Variants in DCDC1 observed in about 807,000 individuals in gnomAD.
DCDC1 encodes doublecortin domain-containing protein 1.
Under a neutral mutation model 178.3 loss-of-function variants are expected in DCDC1, and 200 were observed. That is an observed-to-expected ratio of 1.12 (90% confidence interval 1.00 to 1.26). The LOEUF is 1.26. Among genes scored for constraint, DCDC1 ranks in the 50% most tolerant of loss-of-function variants. The pLI, the probability that DCDC1 is intolerant of heterozygous loss-of-function variation, is 0.00. For synonymous variants in DCDC1, 690 were observed against 604.8 expected (o/e 1.14, Z -2.07); for missense variants, 1,983 against 1,749.2 (o/e 1.13, Z -2.38).
At chr11:31,200,220 TTTAAA>T (rs767651538) in intron 9 of DCDC1, among the ~76,000 whole-genome samples, 1 of 152,090 alleles carries the variant, frequency 6.6e-6, no homozygotes, top group Non-Finnish European at 1.5e-5. Context: ...ACAAAAAAAG[TTTAAA>T]TTAAAACTGT....
chr11:30,957,258 T>C (rs1948824668), intron 20 of DCDC1, among the ~76,000 whole-genome samples: 1 of 152,166 alleles, frequency 6.6e-6, no homozygotes, highest in African/African-American at 2.4e-5. Flanking sequence ...AAGAACCCTC[T>C]CTACACCCAC....
In DCDC1 at chr11:31,106,797, C is replaced by T. The variant is rs1423548339; in HGVS notation, c.1751G>A (p.Arg584Lys). Residue 584 changes from arginine to lysine, a missense_variant and splice_region_variant, in exon 13 of 39, where the codon AGA becomes AAA. Coordinates refer to ENST00000684477, the MANE Select transcript of DCDC1 (RefSeq NM_001387274.1). Reference protein sequence around the residue: ...KIWVSYGRAYRSPLNLALGLT... With the variant: ...KIWVSYGRAYKSPLNLALGLT... ...CAGAAAACAAACCCCTTGCTCCTACCTGTATGCTCTACCATAAGAGACCCA... is the reference window on the plus strand; with the variant it reads ...CAGAAAACAAACCCCTTGCTCCTACTTGTATGCTCTACCATAAGAGACCCA... The T allele has an allele frequency of 2.6e-6, 2 of 766,068 alleles. No individual in the cohort carries two copies. Among genetic ancestry groups the T allele is most frequent in the South Asian group, 1.3e-5 (1 of 74,598 alleles). 47.5% of individuals were successfully genotyped at this position (766,068 alleles called of 1,614,324 possible).
intron 5 of DCDC1, 160 bp from the exon 6 acceptor site, chr11:31,305,937 G>T: frequency 1.1e-6 from 1 of 876,468 alleles, no homozygotes; most frequent in South Asian, 2.1e-5. Context: ...TAAAAGGTAA[G>T]TCACAGCATG....
At chr11:31,208,170 C>T (rs887184916) in intron 9 of DCDC1, among the ~76,000 whole-genome samples, 12 of 152,124 alleles carry the variant, frequency 7.9e-5, no homozygotes, top group African/African-American at 2.9e-4. Context: ...GTATCTCTTA[C>T]CCAGATCTCA....
intron 9 of DCDC1, among the ~76,000 whole-genome samples, chr11:31,147,893 G>A (rs1438460904): frequency 6.6e-6 from 1 of 152,192 alleles, no homozygotes; most frequent in Non-Finnish European, 1.5e-5. Context: ...TAATGGTACA[G>A]ATTTTCTCTA....
chr11:31,329,225 G>C (rs549914119), intron 2 of DCDC1, among the ~76,000 whole-genome samples: 1 of 152,126 alleles, frequency 6.6e-6, no homozygotes, highest in Non-Finnish European at 1.5e-5. Context: ...GAAGCCAAAA[G>C]AGATGAAAGC....
chr11:31,153,549 G>A (rs1041497206), intron 9 of DCDC1, among the ~76,000 whole-genome samples: 15 of 152,052 alleles, frequency 9.9e-5, no homozygotes, highest in Non-Finnish European at 2.2e-4. Flanking sequence ...TTGGGAGGCC[G>A]AGGCGGGCGG....
At chr11:31,076,124 G>A (rs1956850448) in intron 18 of DCDC1, among the ~76,000 whole-genome samples, 1 of 152,136 alleles carries the variant, frequency 6.6e-6, no homozygotes, top group Non-Finnish European at 1.5e-5. Flanking sequence ...CTCCCAAAGT[G>A]CTGGGAGTAC....
At chr11:31,200,124 TATA>T (rs1267230653) in intron 9 of DCDC1, among the ~76,000 whole-genome samples, 1 of 152,096 alleles carries the variant, frequency 6.6e-6, no homozygotes, top group Non-Finnish European at 1.5e-5. Context: ...TCTAATAATT[TATA>T]ATATGTTTGG....
At chr11:30,912,942 A>C (rs1565065038) in intron 27 of DCDC1, among the ~76,000 whole-genome samples, 1 of 152,220 alleles carries the variant, frequency 6.6e-6, no homozygotes, top group East Asian at 1.9e-4. Flanking sequence ...ACGGTTCTCT[A>C]GGTTTCACCA....
At chr11:31,277,828 C>T (rs1035646910) in intron 7 of DCDC1, among the ~76,000 whole-genome samples, 8 of 151,938 alleles carry the variant, frequency 5.3e-5, no homozygotes, top group Non-Finnish European at 1.2e-4. Context: ...TTGTTAAGTA[C>T]GTGTTTTCTG....
intron 9 of DCDC1, among the ~76,000 whole-genome samples, chr11:31,195,478 G>A (rs1447494334): frequency 6.6e-6 from 1 of 152,024 alleles, no homozygotes; most frequent in Non-Finnish European, 1.5e-5. Context: ...GAGCTCAGTG[G>A]AATTTTTTGG....
At chr11:31,108,725 G>T (rs957274049) in intron 12 of DCDC1, among the ~76,000 whole-genome samples, 1 of 152,084 alleles carries the variant, frequency 6.6e-6, no homozygotes, top group African/African-American at 2.4e-5. Flanking sequence ...TGCATTTTAG[G>T]TGTTCAAAGA....
At chr11:30,913,528 G>C (rs1590339689) in intron 27 of DCDC1, among the ~76,000 whole-genome samples, 2 of 152,126 alleles carry the variant, frequency 1.3e-5, no homozygotes, top group East Asian at 3.9e-4. Flanking sequence ...TCTTCTCTCT[G>C]GACTCTGACG....
chr11:31,041,093 C>T (rs555701237), intron 20 of DCDC1, among the ~76,000 whole-genome samples: 1 of 152,282 alleles, frequency 6.6e-6, no homozygotes, highest in East Asian at 1.9e-4. Context: ...ATTCATTCAA[C>T]AATACTTCTT....
At chr11:31,055,025 G>T (rs920770190) in intron 20 of DCDC1, among the ~76,000 whole-genome samples, 9 of 152,104 alleles carry the variant, frequency 5.9e-5, no homozygotes, top group Middle Eastern at 3.2e-3. Context: ...CACGGCAAAA[G>T]GAACAGTCAG....
At chr11:31,077,424 A>C (rs1412076867) in intron 18 of DCDC1, among the ~76,000 whole-genome samples, 1 of 152,202 alleles carries the variant, frequency 6.6e-6, no homozygotes, top group Non-Finnish European at 1.5e-5. Context: ...TGAAGCTACT[A>C]GAATTAGTAT....
Position 30,888,118 on chromosome 11 carries a change from G to GAAAGAA in DCDC1, c.5082+4694_5082+4699dup, listed in dbSNP as rs1554959045. Reference sequence around the variant, plus strand: ...AAAGAAAAAGAAAGAAAGAAAGAAAGAAAGAAAGAAAGAAAGAAAGAAAGA... The same window carrying GAAAGAA: ...AAAGAAAAAGAAAGAAAGAAAGAAAGAAAGAAAAAGAAAGAAAGAAAGAAAGAAAGA... On this transcript the variant is annotated intron_variant, in intron 36 of 38. Transcript: ENST00000684477. Among the ~76,000 whole-genome samples the GAAAGAA allele has an allele frequency of 2.1e-3, 284 of 133,578 alleles. 10 individuals are homozygous for GAAAGAA. Among genetic ancestry groups the GAAAGAA allele is most frequent in the Admixed American group, 0.016 (185 of 11,564 alleles). 87.6% of individuals were successfully genotyped at this position (133,578 alleles called of 152,430 possible). A position where few individuals can be genotyped will look rare whatever the true frequency, so the allele number is the denominator to read the frequency against.
rs1454561931 is a variant in DCDC1 at position 31,319,562 on chromosome 11, T to G, written c.164+8555A>C. Among the ~76,000 whole-genome samples, 4 of 49,696 alleles carry G rather than the reference T, an allele frequency of 8.0e-5. 2 individuals carry two copies. Among genetic ancestry groups the G allele is most frequent in the Non-Finnish European group, 1.4e-4 (4 of 29,468 alleles). The allele number at this position is 49,696 out of a possible 152,430, so 32.6% of individuals were successfully genotyped here. A position where few individuals can be genotyped will look rare whatever the true frequency, so the allele number is the denominator to read the frequency against. ...CCTATGTGTGCCTCTGCACGTGAGA[T>G]GGGTTTCCTGAATACAGCACACTGA... On this transcript the variant is annotated intron_variant, in intron 3 of 38. Coordinates refer to ENST00000684477, the MANE Select transcript of DCDC1 (RefSeq NM_001387274.1).
Sources: gnomAD v4.1 joint callset for allele counts (sites outside exome capture counted in the v4.1 genomes callset) on GRCh38, gnomAD v4.1.1 for gene constraint, MANE v1.5 for transcripts, NCBI Gene and HGNC (gene_info 2026-07-23, HGNC 2026-07-21) for gene names.